Variants in SGIP1 observed in about 807,000 individuals in gnomAD.
The protein encoded by SGIP1 is SH3-containing GRB2-like protein 3-interacting protein 1.
In SGIP1, 38 loss-of-function variants were observed where a neutral mutation model predicts 107.5. The ratio of observed to expected loss-of-function variants is 0.35; its 90% CI spans 0.27 to 0.46. The LOEUF is 0.46. Ranked by LOEUF, SGIP1 falls within the 20% of genes least tolerant of loss-of-function variation. The pLI is 1.00. For missense variants in SGIP1, 929 were observed against 1,019.5 expected (o/e 0.91, Z 1.21); for synonymous variants, 365 against 366.1 (o/e 1.00, Z 0.03).
chr1:66,639,086 G>A (rs920138282), intron 4 of SGIP1, among the ~76,000 whole-genome samples: 1 of 152,306 alleles, frequency 6.6e-6, no homozygotes, highest in African/African-American at 2.4e-5. Flanking sequence ...ACTTTAAGAA[G>A]AGAGTAGTGC....
chr1:66,685,126 C>T (rs1369860373), intron 15 of SGIP1, among the ~76,000 whole-genome samples: 1 of 152,190 alleles, frequency 6.6e-6, no homozygotes, highest in African/African-American at 2.4e-5. Flanking sequence ...TAAAGATTAG[C>T]AGTGCTTCTC....
chr1:66,675,533 TTTTC>T (rs1222098096), intron 12 of SGIP1, among the ~76,000 whole-genome samples: 1,021 of 90,004 alleles, frequency 0.011, 149 homozygotes, highest in African/African-American at 0.041. Flanking sequence ...TTCTTTTTCT[TTTTC>T]TTTCTTTTTT....
intron 15 of SGIP1, among the ~76,000 whole-genome samples, chr1:66,683,839 G>C (rs6664597): frequency 6.6e-6 from 1 of 150,628 alleles, no homozygotes; most frequent in Non-Finnish European, 1.5e-5. Flanking sequence ...GAGTAGCTGG[G>C]ATTATAGGTG....
chr1:66,713,462 A>C (rs1054362578), intron 18 of SGIP1, among the ~76,000 whole-genome samples: 1 of 152,162 alleles, frequency 6.6e-6, no homozygotes, highest in Non-Finnish European at 1.5e-5. Flanking sequence ...ACATAAAGCC[A>C]TATTAGTGTT....
At position 66,544,519 on chromosome 1, in the gene SGIP1, T is replaced by G. The variant is rs1018745828; in HGVS notation, c.10+10151T>G. ...CTGGCCAACATGGCGAGACCCTGCC[T>G]CTACTAAAATTACAAAAAAATTAGC... On this transcript the variant is annotated intron_variant, in intron 1 of 24. Coordinates refer to ENST00000371037, the MANE Select transcript of SGIP1 (RefSeq NM_032291.4). Among the ~76,000 whole-genome samples, 3 of 152,082 alleles carry G rather than the reference T, an allele frequency of 2.0e-5. No individual in the cohort carries two copies. The East Asian group carries it at 5.8e-4, about 29-fold the overall frequency.
intron 1 of SGIP1, among the ~76,000 whole-genome samples, chr1:66,593,004 A>T (rs748471789): frequency 1.2e-4 from 17 of 145,498 alleles, no homozygotes; most frequent in Non-Finnish European, 2.4e-4. Flanking sequence ...TTTGCCTCCC[A>T]AAGTGCTAAG....
intron 1 of SGIP1, among the ~76,000 whole-genome samples, chr1:66,585,473 T>G (rs573257186): frequency 6.6e-6 from 1 of 152,218 alleles, no homozygotes; most frequent in African/African-American, 2.4e-5. Flanking sequence ...ACTTTGGATC[T>G]GCAGATTTTA....
At chr1:66,631,725 C>G (rs2074797109) in intron 2 of SGIP1, among the ~76,000 whole-genome samples, 1 of 116,452 alleles carries the variant, frequency 8.6e-6, no homozygotes, top group Non-Finnish European at 1.9e-5. Flanking sequence ...CTCTCTCTCT[C>G]TCTTCTCACG....
chr1:66,611,355 G>A (rs911395081), intron 1 of SGIP1, among the ~76,000 whole-genome samples: 1 of 152,192 alleles, frequency 6.6e-6, no homozygotes, highest in African/African-American at 2.4e-5. Context: ...AGAGCTCAGG[G>A]TTGCAGAGAA....
intron 1 of SGIP1, among the ~76,000 whole-genome samples, chr1:66,582,454 A>G (rs566153853): frequency 1.8e-4 from 27 of 152,052 alleles, no homozygotes; most frequent in East Asian, 1.2e-3. Context: ...TGCTCTCTGG[A>G]TGATCTGAGG....
At chr1:66,710,363 G>A (rs999456980) in intron 18 of SGIP1, among the ~76,000 whole-genome samples, 2 of 152,026 alleles carry the variant, frequency 1.3e-5, no homozygotes. Flanking sequence ...CGACTGTAAG[G>A]CAAATTCTTC....
intron 15 of SGIP1, 39 bp downstream of exon 15, chr1:66,682,408 A>C: frequency 6.4e-7 from 1 of 1,569,734 alleles, no homozygotes; most frequent in South Asian, 1.2e-5. Flanking sequence ...GTGACGGGGA[A>C]TGGCCATGGC....
chr1:66,595,716 C>T (rs142813992), intron 1 of SGIP1, among the ~76,000 whole-genome samples: 222 of 152,162 alleles, frequency 1.5e-3, no homozygotes, highest in African/African-American at 5.1e-3. Flanking sequence ...ATATGGAATC[C>T]ATATTATGGA....
intron 4 of SGIP1, among the ~76,000 whole-genome samples, chr1:66,638,721 T>C (rs990246276): frequency 5.3e-5 from 8 of 152,214 alleles, no homozygotes; most frequent in Non-Finnish European, 7.3e-5. Context: ...AGTGATCCTA[T>C]GTGCACACAT....
chr1:66,734,372 T>C (rs748017932), intron 21 of SGIP1, among the ~76,000 whole-genome samples: 1 of 152,128 alleles, frequency 6.6e-6, no homozygotes, highest in Admixed American at 6.5e-5. Context: ...ATGAGAACTT[T>C]CTTTTTGTAT....
At chr1:66,572,759 T>C (rs2060546528) in intron 1 of SGIP1, among the ~76,000 whole-genome samples, 1 of 152,008 alleles carries the variant, frequency 6.6e-6, no homozygotes, top group African/African-American at 2.4e-5. Flanking sequence ...AGTGTGGTGC[T>C]AGGATATTTT....
chr1:66,537,746 C>G (rs1036184806), intron 1 of SGIP1, among the ~76,000 whole-genome samples: 2 of 151,964 alleles, frequency 1.3e-5, no homozygotes, highest in East Asian at 3.8e-4. Flanking sequence ...ATATTTACTA[C>G]TCATAATAAC....
rs1192655134 is a variant in SGIP1, at chr1:66,735,796, C to T, written c.2031+1916C>T. 1.7e-5 allele frequency among the ~76,000 whole-genome samples: 2 copies of T among 120,310 alleles called. 1 individual carries two copies. The highest frequency in any genetic ancestry group is 4.5e-4 in the East Asian group (2 of 4,418). The allele number at this position is 120,310 out of a possible 152,430, so 78.9% of individuals were successfully genotyped here. A position where few individuals can be genotyped will look rare whatever the true frequency, so the allele number is the denominator to read the frequency against. Reference sequence around the variant, plus strand: ...GATTGCGCCACTGCAGTCCGCAGTCCGGCCTGGGCGACAGAGCGAGACTCC... The same window carrying T: ...GATTGCGCCACTGCAGTCCGCAGTCTGGCCTGGGCGACAGAGCGAGACTCC... On this transcript the variant is annotated intron_variant, in intron 21 of 24. Coordinates refer to ENST00000371037, the MANE Select transcript of SGIP1 (RefSeq NM_032291.4).
At chr1:66,739,293 C>T (rs2094370488) in intron 21 of SGIP1, 42 bp from the exon 22 acceptor site, 1 of 1,580,884 alleles carries the variant, frequency 6.3e-7, no homozygotes. Context: ...CTAAGAACAT[C>T]CCTGTCATAT....
Sources: allele counts gnomAD v4.1 joint callset (sites outside exome capture counted in the v4.1 genomes callset), GRCh38; gene constraint gnomAD v4.1.1; transcripts MANE v1.5; gene names NCBI Gene and HGNC (gene_info 2026-07-23, HGNC 2026-07-21).